Variants in DGKD observed in about 807,000 individuals in gnomAD.
DGKD encodes the protein diacylglycerol kinase delta.
DGKD carries 68 observed loss-of-function variants against 154.4 expected under a neutral mutation model. The ratio of observed to expected loss-of-function variants is 0.44; its 90% CI spans 0.36 to 0.54. The LOEUF is 0.54. Among genes scored for constraint, DGKD ranks in the 20% least tolerant of loss-of-function variants. The pLI is 0.00. For missense variants in DGKD, 1,343 were observed against 1,593.6 expected, an observed-to-expected ratio of 0.84 and a Z score of 2.68; for synonymous variants, 693 against 638.0, an observed-to-expected ratio of 1.09 and a Z score of -1.30.
intron 3 of DGKD, among the ~76,000 whole-genome samples, chr2:233,409,787 GTTTTTTTTTTTTT>G (rs3075533): frequency 1.6e-4 from 10 of 60,894 alleles, no homozygotes; most frequent in East Asian, 1.3e-3. Flanking sequence ...CCCCCATACC[GTTTTTTTTTTTTT>G]TTTTTTTTTT....
At chr2:233,381,152 G>A (rs973691607) in intron 1 of DGKD, among the ~76,000 whole-genome samples, 9 of 152,182 alleles carry the variant, frequency 5.9e-5, no homozygotes, top group South Asian at 2.1e-4. Flanking sequence ...GCAGTTGCCC[G>A]GTGCGCTCTC....
chr2:233,436,066 T>C (rs1415184350), intron 6 of DGKD, 142 bp downstream of exon 6: 1 of 1,062,052 alleles, frequency 9.4e-7, no homozygotes. Flanking sequence ...GTGGAAATTA[T>C]ATGCGGTCTC....
intron 3 of DGKD, among the ~76,000 whole-genome samples, chr2:233,410,063 T>G (rs1344243602): frequency 6.6e-6 from 1 of 152,134 alleles, no homozygotes; most frequent in East Asian, 1.9e-4. Context: ...GATCCAATCC[T>G]CCTGCCTTGG....
chr2:233,437,313 G>A lies in DGKD; in HGVS notation c.820-64G>A, dbSNP rs1341166696. On this transcript the variant is annotated intron_variant, in intron 7 of 29. Transcript: ENST00000264057. ...GGCCAGCTCATCAGCTACAGGGCAG[G>A]AGGATTTCTGGTGTGTGTGAAGGAT... 4 of 1,473,998 alleles carry A rather than the reference G, an allele frequency of 2.7e-6. No individual in the cohort carries two copies. The Admixed American group carries it at 6.8e-5, about 25-fold the overall frequency. 91.3% of individuals were successfully genotyped at this position (1,473,998 alleles called of 1,614,324 possible). A position where few individuals can be genotyped will look rare whatever the true frequency, so the allele number is the denominator to read the frequency against.
intron 3 of DGKD, among the ~76,000 whole-genome samples, chr2:233,404,811 C>T (rs749523627): frequency 1.3e-5 from 2 of 152,150 alleles, no homozygotes; most frequent in Admixed American, 6.5e-5. Flanking sequence ...TGAACGTCTG[C>T]TGTTCCAGTG....
intron 1 of DGKD, among the ~76,000 whole-genome samples, chr2:233,379,260 T>TA (rs984513124): frequency 2.0e-5 from 3 of 152,074 alleles, no homozygotes; most frequent in African/African-American, 7.2e-5. Flanking sequence ...TCTCAAAGCT[T>TA]AGTCATTTCC....
In DGKD at chr2:233,383,778, A is replaced by G. The variant is rs146486072; in HGVS notation, c.157-4479A>G. Among the ~76,000 whole-genome samples, 403 of 152,274 alleles carry G rather than the reference A, an allele frequency of 2.6e-3. 1 individual carries two copies. Among genetic ancestry groups the G allele is most frequent in the Middle Eastern group, 0.01 (3 of 294 alleles). On this transcript the variant is annotated intron_variant, in intron 1 of 29. Transcript: ENST00000264057. ...ATCTGCAAGGGTCTGTTTCTGGGCT[A>G]TCTTTGGTCCCCAAATTCCGCTTCT...
At chr2:233,447,184 C>G (rs1037868183) in intron 12 of DGKD, among the ~76,000 whole-genome samples, 7 of 81,044 alleles carry the variant, frequency 8.6e-5, no homozygotes, top group Non-Finnish European at 2.3e-5. Context: ...TGCCGCGGCT[C>G]TCCCCTAGCC....
Position 233,452,823 on chromosome 2 carries a change from G to T in DGKD, c.2264+763G>T, listed in dbSNP as rs1357339903. ...TGCAGGTTCTGGGCAGCTGGTGGCA[G>T]TTGGTTAAATGTGGCCAGCCATTTT... is the stretch of plus-strand genomic sequence containing the variant. On this transcript the variant is annotated intron_variant, in intron 18 of 29. Transcript: ENST00000264057. This position sits in a 1 kb window ranked among gnomAD's most constrained non-coding sequence, Gnocchi z 4.0. Among the ~76,000 whole-genome samples, 1 of 152,226 alleles carries T rather than the reference G, an allele frequency of 6.6e-6. No individual in the cohort carries two copies. Among genetic ancestry groups the T allele is most frequent in the African/African-American group, 2.4e-5 (1 of 41,450 alleles).
chr2:233,434,926 G>C (rs2062640029), intron 5 of DGKD, 25 bp downstream of exon 5: 2 of 1,594,180 alleles, frequency 1.3e-6, no homozygotes, highest in Non-Finnish European at 1.7e-6. Context: ...TTGTTATTCT[G>C]TCAGGAAAGG....
chr2:233,409,786 C>CGTTTTT (rs2061777673), intron 3 of DGKD, among the ~76,000 whole-genome samples: 1 of 118,638 alleles, frequency 8.4e-6, no homozygotes, highest in Non-Finnish European at 1.7e-5. Flanking sequence ...CCCCCCATAC[C>CGTTTTT]GTTTTTTTTT....
intron 3 of DGKD, among the ~76,000 whole-genome samples, chr2:233,424,868 ATGTG>A (rs1316324460): frequency 6.6e-6 from 1 of 152,172 alleles, no homozygotes; most frequent in African/African-American, 2.4e-5. Context: ...ATCAGCTGCC[ATGTG>A]TGTGTAAGCC....
Position 233,440,735 on chromosome 2 carries a change from C to T in DGKD, c.1086-1152C>T, listed in dbSNP as rs1042862236. Among the ~76,000 whole-genome samples, 1 of 152,212 alleles carries T rather than the reference C, an allele frequency of 6.6e-6. No homozygotes were observed. The highest frequency in any genetic ancestry group is 2.4e-5 in the African/African-American group (1 of 41,448). On this transcript the variant is annotated intron_variant, in intron 9 of 29. Coordinates refer to ENST00000264057, the MANE Select transcript of DGKD (RefSeq NM_152879.3). This position sits in a 1 kb window ranked among gnomAD's most constrained non-coding sequence, Gnocchi z 4.9. ...GGCCAAGAGGTTCGACTCCTTCCTG[C>T]AAATGAGGGGCAGCCTCATAAAGCA... is the stretch of plus-strand genomic sequence containing the variant.
At chr2:233,371,817 C>A (rs1437033941) in intron 1 of DGKD, among the ~76,000 whole-genome samples, 1 of 152,162 alleles carries the variant, frequency 6.6e-6, no homozygotes, top group Non-Finnish European at 1.5e-5. Context: ...TCTGCCTCCC[C>A]AGCTGTGCAG....
chr2:233,460,341 C>G lies in DGKD; in HGVS notation c.2977C>G (p.His993Asp), dbSNP rs746156293. 4 of 1,613,974 alleles carry G rather than the reference C, an allele frequency of 2.5e-6. No homozygotes were observed. ...TGGGCAGGCAGCAGGGGTCCTCATT[C>G]ACAGGTGGGCTCCTACCCCTCTGCG... The part of the protein sequence containing the change: ...QFGQAAGVLI[H>D]SIREIAQSHR... Residue 993 changes from histidine (H) to aspartate (D), a missense_variant, in exon 24 of 30, where the codon CAC becomes GAC. Transcript: ENST00000264057.
chr2:233,443,466 G>C (rs1054017634), intron 10 of DGKD, among the ~76,000 whole-genome samples: 1 of 152,072 alleles, frequency 6.6e-6, no homozygotes. Context: ...TTTTTGGGGG[G>C]TGGTCTTTTC....
intron 1 of DGKD, chr2:233,386,294 T>C (rs1703175094): frequency 7.2e-6 from 2 of 277,438 alleles, no homozygotes; most frequent in South Asian, 3.4e-5. Flanking sequence ...GGTCTCGTGG[T>C]ATATGTTTCA....
At chr2:233,402,719 A>G (rs934556024) in intron 3 of DGKD, among the ~76,000 whole-genome samples, 1 of 152,188 alleles carries the variant, frequency 6.6e-6, no homozygotes, top group African/African-American at 2.4e-5. Context: ...TGCCAGCTGG[A>G]AAACTTGTTT....
At chr2:233,383,310 G>A (rs921059286) in intron 1 of DGKD, among the ~76,000 whole-genome samples, 14 of 152,056 alleles carry the variant, frequency 9.2e-5, no homozygotes, top group African/African-American at 3.1e-4. Context: ...CAAAGTGCTG[G>A]AATTACAGGC....
Sources: gnomAD v4.1 joint callset for allele counts (sites outside exome capture counted in the v4.1 genomes callset) on GRCh38, gnomAD v4.1.1 for gene constraint, Gnocchi (gnomAD v3.1) non-coding constraint, MANE v1.5 for transcripts, NCBI Gene and HGNC (gene_info 2026-07-23, HGNC 2026-07-21) for gene names.